Variants in MAP2K6 observed in about 807,000 individuals in gnomAD.
MAP2K6 encodes the protein dual specificity mitogen-activated protein kinase kinase 6.
A neutral mutation model predicts 53.7 loss-of-function variants in MAP2K6; 16 were observed. The ratio of observed to expected loss-of-function variants is 0.30; its 90% CI spans 0.20 to 0.45. The LOEUF (loss-of-function observed/expected upper bound fraction) is 0.45. MAP2K6 is among the 20% of genes least tolerant of loss of function. The pLI is 1.00. For missense variants in MAP2K6, 204 were observed against 411.9 expected (o/e 0.50, Z 4.37); for synonymous variants, 132 against 143.1 (o/e 0.92, Z 0.55).
rs71357721 is a variant in MAP2K6, at chr17:69,446,976, CTT to C, written c.16+31993_16+31994del. Among the ~76,000 whole-genome samples the C allele has an allele frequency of 4.5e-3, 586 of 129,488 alleles. 29 individuals carry two copies. The highest frequency in any genetic ancestry group is 0.013 in the African/African-American group (440 of 34,782). 84.9% of individuals were successfully genotyped at this position (129,488 alleles called of 152,430 possible). A position where few individuals can be genotyped will look rare whatever the true frequency, so the allele number is the denominator to read the frequency against. ...TTGTATTTTATTATAACCTCTGTTT[CTT>C]TTTTTTTTTTTTTTTTGAGACGGAG... is the stretch of plus-strand genomic sequence containing the variant. On this transcript the variant is annotated intron_variant, in intron 1 of 11. Coordinates refer to ENST00000590474, the MANE Select transcript of MAP2K6 (RefSeq NM_002758.4).
At chr17:69,538,783 G>A (rs1454053086) in intron 11 of MAP2K6, among the ~76,000 whole-genome samples, 2 of 152,184 alleles carry the variant, frequency 1.3e-5, no homozygotes, top group African/African-American at 4.8e-5. Flanking sequence ...GTATGACTCA[G>A]TAGAATTTGT....
intron 1 of MAP2K6, among the ~76,000 whole-genome samples, chr17:69,467,195 T>C (rs1284986218): frequency 1.3e-5 from 2 of 152,194 alleles, no homozygotes; most frequent in Non-Finnish European, 2.9e-5. Context: ...GGGGTCTCTA[T>C]ATAAGGCAAA....
intron 1 of MAP2K6, among the ~76,000 whole-genome samples, chr17:69,486,317 A>AGT (rs1406529714): frequency 6.6e-6 from 1 of 152,212 alleles, no homozygotes; most frequent in Non-Finnish European, 1.5e-5. Context: ...TGGGGGAGAA[A>AGT]GTACCATTCT....
intron 1 of MAP2K6, among the ~76,000 whole-genome samples, chr17:69,451,584 T>A (rs1353036731): frequency 6.6e-6 from 1 of 152,116 alleles, no homozygotes; most frequent in African/African-American, 2.4e-5. Context: ...CTGGGGAGTG[T>A]TCTTGGGACC....
intron 10 of MAP2K6, among the ~76,000 whole-genome samples, chr17:69,532,272 T>G (rs1911124754): frequency 1.3e-5 from 2 of 152,206 alleles, no homozygotes; most frequent in South Asian, 2.1e-4. Context: ...ACGCGCAATG[T>G]GTTTTTATTC....
At chr17:69,514,955 C>G (rs762002351) in intron 2 of MAP2K6, among the ~76,000 whole-genome samples, 1 of 152,162 alleles carries the variant, frequency 6.6e-6, no homozygotes, top group Non-Finnish European at 1.5e-5. Context: ...TCCTCATTGG[C>G]AAAGGTTTCT....
At chr17:69,449,545 CTTT>C (rs1192449314) in intron 1 of MAP2K6, among the ~76,000 whole-genome samples, 1 of 105,670 alleles carries the variant, frequency 9.5e-6, no homozygotes, top group African/African-American at 3.0e-5. Flanking sequence ...TTCTTTCTTT[CTTT>C]CTTTCTTTCT....
rs150953987 is a variant in MAP2K6, at chr17:69,491,181, T to C, written c.17-14599T>C. 9.2e-5 allele frequency among the ~76,000 whole-genome samples: 14 copies of C among 152,102 alleles called. No individual in the cohort carries two copies. The East Asian group carries it at 1.9e-3, about 21-fold the overall frequency. ...TTTTTTTTGACGGAGTCTCACTCTA[T>C]CGCCCAGGCTGGAGTGCAATGGCAC... On this transcript the variant is annotated intron_variant, in intron 1 of 11. Coordinates refer to ENST00000590474, the MANE Select transcript of MAP2K6 (RefSeq NM_002758.4).
rs1431085681 is a variant in MAP2K6 at position 69,552,053 on chromosome 17, GA to G, written c.*10303del. On this transcript the variant is annotated 3_prime_UTR_variant, in exon 12 of 12. Transcript: ENST00000590474. The stretch of plus-strand genomic sequence containing the variant: ...CGTTTATTAATATGGACTTTGTAAG[GA>G]AACACAACAACACGTTTTCTTACCT... The G allele has an allele frequency of 6.6e-6, 1 of 152,176 alleles. No individual in the cohort carries two copies. Among genetic ancestry groups the G allele is most frequent in the East Asian group, 1.9e-4 (1 of 5,196 alleles). 9.4% of individuals were successfully genotyped at this position (152,176 alleles called of 1,614,324 possible).
intron 2 of MAP2K6, among the ~76,000 whole-genome samples, chr17:69,515,387 C>T (rs187642926): frequency 1.3e-5 from 2 of 152,064 alleles, no homozygotes; most frequent in Non-Finnish European, 2.9e-5. Context: ...GAACTCCTGA[C>T]CTCAGGTGAT....
intron 1 of MAP2K6, among the ~76,000 whole-genome samples, chr17:69,419,677 C>A (rs1906013445): frequency 1.3e-5 from 2 of 151,934 alleles, no homozygotes; most frequent in African/African-American, 4.8e-5. Flanking sequence ...TGCCTGTAAC[C>A]CCACTTTGGG....
intron 1 of MAP2K6, among the ~76,000 whole-genome samples, chr17:69,441,008 G>T (rs1414507121): frequency 6.6e-6 from 1 of 152,108 alleles, no homozygotes; most frequent in Non-Finnish European, 1.5e-5. Flanking sequence ...GTGTGTGTAT[G>T]TGTGTGTGCA....
chr17:69,463,647 TACATACATAC>T (rs967115299), intron 1 of MAP2K6, among the ~76,000 whole-genome samples: 4 of 151,582 alleles, frequency 2.6e-5, no homozygotes, highest in African/African-American at 9.7e-5. Flanking sequence ...TATATGTATA[TACATACATAC>T]ACATACATAT....
chr17:69,462,684 G>A (rs151322316), intron 1 of MAP2K6, among the ~76,000 whole-genome samples: 52 of 152,190 alleles, frequency 3.4e-4, no homozygotes, highest in Non-Finnish European at 5.6e-4. Context: ...TTCACACTCC[G>A]GGCGTCAGCT....
intron 1 of MAP2K6, among the ~76,000 whole-genome samples, chr17:69,457,737 A>G (rs984818491): frequency 4.6e-5 from 7 of 152,182 alleles, no homozygotes; most frequent in Non-Finnish European, 7.3e-5. Flanking sequence ...CCCAGGAGAT[A>G]GAGGCTGTGG....
At chr17:69,465,623 C>T (rs201769268) in intron 1 of MAP2K6, among the ~76,000 whole-genome samples, 3 of 144,266 alleles carry the variant, frequency 2.1e-5, no homozygotes, top group Admixed American at 6.9e-5. Context: ...TTGTTTTTTT[C>T]TTTTTTTTTT....
intron 11 of MAP2K6, among the ~76,000 whole-genome samples, chr17:69,538,187 G>A (rs1911448163): frequency 6.6e-6 from 1 of 152,116 alleles, no homozygotes; most frequent in South Asian, 2.1e-4. Flanking sequence ...GCCATGTTTT[G>A]TAACTAAGTT....
chr17:69,516,011 G>T (rs140754409), intron 2 of MAP2K6, among the ~76,000 whole-genome samples: 1 of 152,058 alleles, frequency 6.6e-6, no homozygotes, highest in Non-Finnish European at 1.5e-5. Context: ...CTATATCAGC[G>T]GTCCCCAACC....
intron 1 of MAP2K6, among the ~76,000 whole-genome samples, chr17:69,483,841 G>A (rs1323743251): frequency 6.6e-6 from 1 of 152,036 alleles, no homozygotes; most frequent in African/African-American, 2.4e-5. Context: ...ACAATTCAGG[G>A]GGAAAGGAGT....
Sources: gnomAD v4.1 joint callset for allele counts (sites outside exome capture counted in the v4.1 genomes callset) on GRCh38, gnomAD v4.1.1 for gene constraint, MANE v1.5 for transcripts, NCBI Gene and HGNC (gene_info 2026-07-23, HGNC 2026-07-21) for gene names.